The following TRPC4 variants were observed in gnomAD, a reference collection of about 807,000 sequenced individuals.
TRPC4 encodes transient receptor potential cation channel subfamily C member 4.
In TRPC4, 49 loss-of-function variants were observed where a neutral mutation model predicts 99.4. The ratio of observed to expected loss-of-function variants is 0.49; its 90% CI spans 0.39 to 0.63. The LOEUF (loss-of-function observed/expected upper bound fraction) is 0.63, where lower values mean the gene tolerates loss of function less well. Among genes scored for constraint, TRPC4 ranks in the 20% least tolerant of loss-of-function variants. The pLI is 0.00. For missense variants in TRPC4, 898 were observed against 1,152.9 expected (o/e 0.78, Z 3.20); for synonymous variants, 454 against 425.9 (o/e 1.07, Z -0.81).
rs76756348 is a variant in TRPC4, at chr13:37,745,499, C to G, written c.897+438G>C. Reference sequence around the variant, plus strand: ...ACACACACACACACACTTATATATACGTATATATGTATATATATACGTATA... The same window carrying G: ...ACACACACACACACACTTATATATAGGTATATATGTATATATATACGTATA... On this transcript the variant is annotated intron_variant, in intron 3 of 10. Coordinates refer to ENST00000379705, the MANE Select transcript of TRPC4 (RefSeq NM_016179.4). Among the ~76,000 whole-genome samples, 13 of 111,788 alleles carry G rather than the reference C, an allele frequency of 1.2e-4. No homozygotes were observed. In the East Asian group the frequency reaches 3.4e-3, roughly 29 times the overall value. 73.3% of individuals were successfully genotyped at this position (111,788 alleles called of 152,430 possible). A position where few individuals can be genotyped will look rare whatever the true frequency, so the allele number is the denominator to read the frequency against.
chr13:37,845,799 C>T lies in TRPC4; in HGVS notation c.-28+23796G>A, dbSNP rs185465375. Among the ~76,000 whole-genome samples, 3 of 152,234 alleles carry T rather than the reference C, an allele frequency of 2.0e-5. No individual in the cohort carries two copies. The East Asian group carries it at 5.8e-4, about 29-fold the overall frequency. The stretch of plus-strand genomic sequence containing the variant: ...TCCCAAATCTGGGGAAAGACAACAA[C>T]ATCCAGGTACAGGCATCTCAGTCAC... On this transcript the variant is annotated intron_variant, in intron 1 of 10. Transcript: ENST00000379705.
At chr13:37,774,327 C>G (rs1011391363) in intron 2 of TRPC4, among the ~76,000 whole-genome samples, 2 of 151,564 alleles carry the variant, frequency 1.3e-5, no homozygotes, top group Non-Finnish European at 2.9e-5. Flanking sequence ...GCTTACAGTA[C>G]AAAATTATTG....
chr13:37,649,606 C>T (rs1255531463), intron 8 of TRPC4, among the ~76,000 whole-genome samples: 3 of 151,552 alleles, frequency 2.0e-5, no homozygotes, highest in African/African-American at 7.3e-5. Flanking sequence ...TGGTGGCAGG[C>T]GCCTGTAGTC....
chr13:37,770,247 T>A (rs1956512055), intron 2 of TRPC4, among the ~76,000 whole-genome samples: 1 of 151,652 alleles, frequency 6.6e-6, no homozygotes, highest in African/African-American at 2.4e-5. Context: ...TAGTCCTTGG[T>A]AAATTTCCTC....
chr13:37,839,067 A>G (rs923854747), intron 1 of TRPC4, among the ~76,000 whole-genome samples: 1 of 152,200 alleles, frequency 6.6e-6, no homozygotes, highest in Non-Finnish European at 1.5e-5. Flanking sequence ...AAAGATTTCA[A>G]CGTAGTGACT....
intron 1 of TRPC4, among the ~76,000 whole-genome samples, chr13:37,829,699 T>G (rs1958357306): frequency 6.6e-6 from 1 of 152,144 alleles, no homozygotes; most frequent in Non-Finnish European, 1.5e-5. Context: ...ACGTGAATGT[T>G]TATAGTAGCA....
At chr13:37,849,240 G>A (rs933007) in intron 1 of TRPC4, among the ~76,000 whole-genome samples, 2,455 of 152,230 alleles carry the variant, frequency 0.016, 69 homozygotes, top group African/African-American at 0.056. Flanking sequence ...CATGGAAACT[G>A]TGATTCATCT....
intron 1 of TRPC4, among the ~76,000 whole-genome samples, chr13:37,863,296 ACAC>A (rs1959511511): frequency 2.0e-5 from 3 of 151,602 alleles, no homozygotes; most frequent in African/African-American, 7.2e-5. Context: ...TTTTATAGGG[ACAC>A]TGACATATTC....
chr13:37,783,231 C>T lies in TRPC4; in HGVS notation c.103G>A (p.Ala35Thr). 1.2e-6 allele frequency: 2 copies of T among 1,613,648 alleles called. No individual in the cohort carries two copies. The highest frequency in any genetic ancestry group is 2.2e-5 in the South Asian group (2 of 91,068). Reference sequence around the variant, plus strand: ...CCCTTTTCCACAGCATTCAAGTAGGCTTTTTCTGATGGCGAGAGTTCTGAT... The same window carrying T: ...CCCTTTTCCACAGCATTCAAGTAGGTTTTTTCTGATGGCGAGAGTTCTGAT... Reference protein sequence around the residue: ...AESELSPSEKAYLNAVEKGDY... With the variant: ...AESELSPSEKTYLNAVEKGDY... Residue 35 changes from alanine (A) to threonine (T), a missense_variant, in exon 2 of 11, where the codon GCC becomes ACC. Physicochemically the swap from Ala to Thr is moderately conservative, Grantham distance 58 (BLOSUM62 0). This residue lies in a region of TRPC4 where 278 missense variants were observed against 346.6 expected (regional missense o/e 0.80). Transcript: ENST00000379705.
intron 1 of TRPC4, among the ~76,000 whole-genome samples, chr13:37,783,900 GT>G (rs1477451325): frequency 2.0e-5 from 3 of 151,804 alleles, no homozygotes; most frequent in Non-Finnish European, 2.9e-5. Flanking sequence ...TAGAGACAGG[GT>G]TTTGCCATGT....
At chr13:37,748,634 A>G (rs1311248152) in intron 2 of TRPC4, among the ~76,000 whole-genome samples, 1 of 151,798 alleles carries the variant, frequency 6.6e-6, no homozygotes, top group African/African-American at 2.4e-5. Flanking sequence ...ATTGGTCAGT[A>G]ATGATATGGC....
intron 1 of TRPC4, among the ~76,000 whole-genome samples, chr13:37,812,553 C>A (rs1040654275): frequency 2.0e-5 from 3 of 151,532 alleles, no homozygotes; most frequent in Non-Finnish European, 4.4e-5. Flanking sequence ...GATTACTGAG[C>A]CTAAAGACAT....
At chr13:37,814,687 G>A (rs1957793953) in intron 1 of TRPC4, among the ~76,000 whole-genome samples, 1 of 151,692 alleles carries the variant, frequency 6.6e-6, no homozygotes, top group South Asian at 2.1e-4. Context: ...AATTATAGGA[G>A]ATCAAATAAA....
At chr13:37,805,069 A>C (rs1957497358) in intron 1 of TRPC4, among the ~76,000 whole-genome samples, 1 of 152,122 alleles carries the variant, frequency 6.6e-6, no homozygotes, top group South Asian at 2.1e-4. Context: ...TCAGATGTGG[A>C]AGGTAACACA....
chr13:37,679,577 T>C (rs960258285), intron 4 of TRPC4, among the ~76,000 whole-genome samples: 1 of 151,610 alleles, frequency 6.6e-6, no homozygotes. Context: ...AGTTTTGTTT[T>C]TATATTTTGT....
At chr13:37,822,106 TAAGA>T (rs1034006171) in intron 1 of TRPC4, among the ~76,000 whole-genome samples, 10 of 151,940 alleles carry the variant, frequency 6.6e-5, no homozygotes, top group African/African-American at 2.4e-4. Context: ...CTTAAATTTA[TAAGA>T]AATAAACAAA....
intron 1 of TRPC4, among the ~76,000 whole-genome samples, chr13:37,839,605 T>C (rs1958676966): frequency 6.6e-6 from 1 of 152,220 alleles, no homozygotes; most frequent in Non-Finnish European, 1.5e-5. Flanking sequence ...TGATTTATTT[T>C]CTATATCTTA....
chr13:37,757,698 G>A (rs2139223723), intron 2 of TRPC4, among the ~76,000 whole-genome samples: 1 of 151,692 alleles, frequency 6.6e-6, no homozygotes, highest in South Asian at 2.1e-4. Flanking sequence ...GGAGATCTGG[G>A]GAAAGATCCA....
At chr13:37,691,623 C>A (rs1237053980) in intron 4 of TRPC4, among the ~76,000 whole-genome samples, 3 of 152,104 alleles carry the variant, frequency 2.0e-5, no homozygotes, top group Non-Finnish European at 4.4e-5. Flanking sequence ...ATCACTAATT[C>A]TTCAGAGTAA....
Sources: allele counts gnomAD v4.1 joint callset (sites outside exome capture counted in the v4.1 genomes callset), GRCh38; gene constraint gnomAD v4.1.1; regional missense constraint gnomAD v4.1.1; transcripts MANE v1.5; gene names NCBI Gene and HGNC (gene_info 2026-07-23, HGNC 2026-07-21).